Variants in EPHB1 observed in about 807,000 individuals in gnomAD.
The protein encoded by EPHB1 is EPH receptor B1.
In EPHB1, 30 loss-of-function variants were observed where a neutral mutation model predicts 94.4. That is an observed-to-expected ratio of 0.32 (90% CI 0.24 to 0.43). EPHB1 has a LOEUF of 0.43. EPHB1 is among the 20% of genes least tolerant of loss of function. EPHB1 has a pLI of 1.00. For synonymous variants in EPHB1, 522 were observed against 489.1 expected (o/e 1.07, Z -0.89); for missense variants, 1,055 against 1,308.3 (o/e 0.81, Z 2.99).
At chr3:134,866,783 G>A (rs1376145540) in intron 1 of EPHB1, among the ~76,000 whole-genome samples, 1 of 152,216 alleles carries the variant, frequency 6.6e-6, no homozygotes, top group East Asian at 1.9e-4. Context: ...CTCTCCAGGG[G>A]CAGAGGCACA....
chr3:135,151,845 A>G (rs1178983280), intron 5 of EPHB1, among the ~76,000 whole-genome samples: 2 of 152,224 alleles, frequency 1.3e-5, no homozygotes, highest in Admixed American at 1.3e-4. Flanking sequence ...AGTCAAAGCC[A>G]AAAGCCAACT....
intron 3 of EPHB1, among the ~76,000 whole-genome samples, chr3:135,065,067 G>T (rs1398766226): frequency 1.3e-5 from 2 of 152,034 alleles, no homozygotes; most frequent in Non-Finnish European, 2.9e-5. Context: ...CTGAGAGAGT[G>T]CCTGATATAA....
At chr3:135,000,983 T>G (rs1935153278) in intron 3 of EPHB1, among the ~76,000 whole-genome samples, 1 of 152,174 alleles carries the variant, frequency 6.6e-6, no homozygotes, top group Non-Finnish European at 1.5e-5. Flanking sequence ...CCTCCTCATC[T>G]CATTTTCAAA....
At chr3:134,827,367 A>G (rs1023295835) in intron 1 of EPHB1, among the ~76,000 whole-genome samples, 21 of 104,426 alleles carry the variant, frequency 2.0e-4, no homozygotes, top group African/African-American at 4.7e-4. Flanking sequence ...GCGCGTGCAC[A>G]CACACACACA....
rs531213504 is a variant in EPHB1 at position 134,968,603 on chromosome 3, T to C, written c.805+16551T>C. Among the ~76,000 whole-genome samples the C allele has an allele frequency of 9.5e-4, 144 of 152,354 alleles. 1 individual carries two copies. Among genetic ancestry groups the C allele is most frequent in the African/African-American group, 3.4e-3 (141 of 41,590 alleles). On this transcript the variant is annotated intron_variant, in intron 3 of 15. Coordinates refer to ENST00000398015, the MANE Select transcript of EPHB1 (RefSeq NM_004441.5). ...TTTTAAAAATTATAATACAGAAAAT[T>C]TGACTTCTTAACTTATTTAAGTGGA...
intron 11 of EPHB1, among the ~76,000 whole-genome samples, chr3:135,193,611 A>G (rs1380656770): frequency 6.6e-6 from 1 of 152,230 alleles, no homozygotes; most frequent in East Asian, 1.9e-4. Flanking sequence ...GGGCAGCATC[A>G]AAGAATGGGC....
chr3:135,137,263 A>G (rs1940655554), intron 5 of EPHB1, among the ~76,000 whole-genome samples: 1 of 152,194 alleles, frequency 6.6e-6, no homozygotes, highest in Non-Finnish European at 1.5e-5. Flanking sequence ...TGGGGACTGC[A>G]GGGAACTTTA....
At chr3:135,079,309 T>C (rs1938074061) in intron 3 of EPHB1, among the ~76,000 whole-genome samples, 1 of 152,218 alleles carries the variant, frequency 6.6e-6, no homozygotes, top group Non-Finnish European at 1.5e-5. Context: ...TAACCATGCC[T>C]GCATTCAGTG....
At chr3:135,247,548 T>C (rs1943956508) in intron 13 of EPHB1, among the ~76,000 whole-genome samples, 1 of 152,220 alleles carries the variant, frequency 6.6e-6, no homozygotes, top group African/African-American at 2.4e-5. Context: ...AGTTAAGATG[T>C]ACTGGATGAA....
chr3:134,923,358 G>A (rs535083421), intron 1 of EPHB1, among the ~76,000 whole-genome samples: 57 of 152,266 alleles, frequency 3.7e-4, no homozygotes, highest in African/African-American at 1.4e-3. Context: ...GCACTCCCTG[G>A]CTCTGTTGGC....
chr3:135,013,305 G>A (rs1373377354), intron 3 of EPHB1, among the ~76,000 whole-genome samples: 4 of 152,188 alleles, frequency 2.6e-5, no homozygotes, highest in East Asian at 3.9e-4. Context: ...TCATTGTGTG[G>A]TCTACCCCTG....
Position 135,192,678 on chromosome 3 carries a change from G to T in EPHB1, c.1985G>T (p.Arg662Leu), listed in dbSNP as rs756316035. 1 of 1,614,070 alleles carries T rather than the reference G, an allele frequency of 6.2e-7. No individual in the cohort carries two copies. The highest frequency in any genetic ancestry group is 1.3e-5 in the African/African-American group (1 of 74,916). The stretch of plus-strand genomic sequence containing the variant: ...AAGGCAGGGTACTCGGAGAAGCAGC[G>T]TCGGGACTTTCTGAGTGAGGCGAGC... Reference protein sequence around the residue: ...TLKAGYSEKQRRDFLSEASIM... With the variant: ...TLKAGYSEKQLRDFLSEASIM... The change falls in exon 11 of 16, where the codon CGT (arginine) becomes CTT (leucine). Residue 662 changes from arginine to leucine, a missense_variant. Arg to Leu is a moderately radical substitution (Grantham distance 102). Transcript: ENST00000398015.
chr3:135,063,313 C>T (rs1027454085), intron 3 of EPHB1, among the ~76,000 whole-genome samples: 2 of 152,138 alleles, frequency 1.3e-5, no homozygotes, highest in Non-Finnish European at 2.9e-5. Flanking sequence ...TCTTCCCATC[C>T]ATGAGCATGG....
intron 3 of EPHB1, among the ~76,000 whole-genome samples, chr3:135,039,518 C>T (rs961083430): frequency 6.6e-6 from 1 of 152,226 alleles, no homozygotes; most frequent in Non-Finnish European, 1.5e-5. Flanking sequence ...CACAGGAGCC[C>T]ACGGAGTGGG....
At chr3:135,200,293 A>G (rs895561838) in intron 11 of EPHB1, among the ~76,000 whole-genome samples, 1 of 152,186 alleles carries the variant, frequency 6.6e-6, no homozygotes, top group Non-Finnish European at 1.5e-5. Flanking sequence ...CTGTTGTCTA[A>G]CCAGAGGGAG....
chr3:135,019,253 A>G (rs1935909280), intron 3 of EPHB1, among the ~76,000 whole-genome samples: 2 of 152,094 alleles, frequency 1.3e-5, no homozygotes, highest in African/African-American at 4.8e-5. Context: ...ATCACAAAGC[A>G]GTCTTATCCC....
chr3:134,827,257 G>A (rs751835033), intron 1 of EPHB1, among the ~76,000 whole-genome samples: 5 of 152,178 alleles, frequency 3.3e-5, no homozygotes, highest in Non-Finnish European at 7.3e-5. Flanking sequence ...TTTCTCTAAC[G>A]CCTTAGTCTA....
chr3:135,239,963 GC>G (rs2107727568), intron 12 of EPHB1, among the ~76,000 whole-genome samples: 1 of 152,218 alleles, frequency 6.6e-6, no homozygotes, highest in East Asian at 1.9e-4. Context: ...TAGGTTACTT[GC>G]CCCCGCCGCA....
At chr3:135,253,806 T>A (rs1933239738) in intron 15 of EPHB1, among the ~76,000 whole-genome samples, 1 of 152,108 alleles carries the variant, frequency 6.6e-6, no homozygotes. Context: ...CCTGGGGCAG[T>A]ATGGCCATTT....
Sources: gnomAD v4.1 joint callset for allele counts (sites outside exome capture counted in the v4.1 genomes callset) on GRCh38, gnomAD v4.1.1 for gene constraint, MANE v1.5 for transcripts, NCBI Gene and HGNC (gene_info 2026-07-23, HGNC 2026-07-21) for gene names.